Variants in ACOX1 observed in about 807,000 individuals in gnomAD.
The protein encoded by ACOX1 is peroxisomal acyl-coenzyme A oxidase 1.
Under a neutral mutation model 75.5 loss-of-function variants are expected in ACOX1, and 41 were observed. The observed-to-expected ratio is 0.54, with a 90% CI of 0.42 to 0.70. The LOEUF is 0.70. Ranked by LOEUF, ACOX1 falls within the 30% of genes least tolerant of loss-of-function variation. The pLI is 0.00. For synonymous variants in ACOX1, 303 were observed against 298.8 expected (o/e 1.01, Z -0.15); for missense variants, 630 against 837.5 (o/e 0.75, Z 3.06).
intron 2 of ACOX1, among the ~76,000 whole-genome samples, chr17:75,961,255 T>C (rs1473613951): frequency 6.9e-6 from 1 of 145,248 alleles, no homozygotes; most frequent in Non-Finnish European, 1.5e-5. Flanking sequence ...ATAACACCAC[T>C]GCATTCTAGC....
Position 75,943,878 on chromosome 17 carries a change from C to G in ACOX1, c.*2870G>C, listed in dbSNP as rs956642326. The G allele has an allele frequency of 6.6e-5, 10 of 152,062 alleles. No homozygotes were observed. Among genetic ancestry groups the G allele is most frequent in the African/African-American group, 2.4e-4 (10 of 41,420 alleles). 9.4% of individuals were successfully genotyped at this position (152,062 alleles called of 1,614,324 possible). ...TCAATTTTGTATTTGGTTGAGAGTA[C>G]TTTTTAAAAAAAGGCTTAAATCAAT... is the stretch of plus-strand genomic sequence containing the variant. On this transcript the variant is annotated 3_prime_UTR_variant, in exon 14 of 14. Transcript: ENST00000293217.
At chr17:75,955,133 T>G (rs2065811982) in intron 6 of ACOX1, among the ~76,000 whole-genome samples, 2 of 151,756 alleles carry the variant, frequency 1.3e-5, no homozygotes, top group Admixed American at 6.6e-5. Context: ...CTCCCAAAAG[T>G]GCTGGAATTA....
intron 12 of ACOX1, 42 bp from the exon 13 acceptor site, chr17:75,948,499 T>C (rs2065743067): frequency 2.0e-6 from 3 of 1,507,874 alleles, no homozygotes; most frequent in East Asian, 4.8e-5. Flanking sequence ...TATATATGTA[T>C]ATAGATAGAC....
chr17:75,967,192 C>T (rs1598193302), intron 2 of ACOX1, among the ~76,000 whole-genome samples: 1 of 151,596 alleles, frequency 6.6e-6, no homozygotes, highest in African/African-American at 2.4e-5. Context: ...CAGAAGAGGC[C>T]GGGCGTGGTG....
chr17:75,961,893 T>A (rs920861577), intron 2 of ACOX1, among the ~76,000 whole-genome samples: 1 of 152,006 alleles, frequency 6.6e-6, no homozygotes, highest in African/African-American at 2.4e-5. Context: ...AACAGAGAAT[T>A]TGAGTGGTAC....
rs761588643 is a variant in ACOX1 at position 75,946,829 on chromosome 17, AAG to A, written c.1936-36_1936-35del. On this transcript the variant is annotated intron_variant, in intron 13 of 13. Transcript: ENST00000293217. ...AAAGGAGAGAGAAGAACTACTAATA[AAG>A]AGTTTGCCATGTTAAATAGTATACT... 8 of 1,599,898 alleles carry A rather than the reference AAG, an allele frequency of 5.0e-6. No individual in the cohort carries two copies. In the South Asian group the frequency reaches 8.8e-5, roughly 18 times the overall value.
rs760539927 is a variant in ACOX1, at chr17:75,978,508, C to T, written c.269+26G>A. The T allele has an allele frequency of 1.2e-6, 2 of 1,614,154 alleles. No individual in the cohort carries two copies. Among genetic ancestry groups the T allele is most frequent in the South Asian group, 1.1e-5 (1 of 91,078 alleles). On this transcript the variant is annotated intron_variant, in intron 2 of 13. Transcript: ENST00000293217. The surrounding 1 kb of genome is among the most constrained non-coding windows in gnomAD (Gnocchi z 4.2). The stretch of plus-strand genomic sequence containing the variant: ...GCTGTAAAGTTTAGGCTTAACAACA[C>T]TTGCTCTGTTCTAAGGCATACCTAC...
chr17:75,954,215 CAAA>C (rs1318167016), intron 6 of ACOX1, among the ~76,000 whole-genome samples: 4 of 74,492 alleles, frequency 5.4e-5, no homozygotes, highest in Non-Finnish European at 1.2e-4. Context: ...GACTCTGTCT[CAAA>C]AAAAAAAAAA....
At chr17:75,948,541 A>T in intron 12 of ACOX1, 84 bp from the exon 13 acceptor site, 1 of 1,162,088 alleles carries the variant, frequency 8.6e-7, no homozygotes, top group Non-Finnish European at 1.2e-6. Context: ...TATAAAGCGG[A>T]TGACAATTAT....
At chr17:75,955,336 T>C (rs1292957685) in intron 6 of ACOX1, among the ~76,000 whole-genome samples, 2 of 152,050 alleles carry the variant, frequency 1.3e-5, no homozygotes, top group Non-Finnish European at 2.9e-5. Flanking sequence ...CTAGATTTTT[T>C]TACTTTTTGT....
At chr17:75,962,682 T>C (rs370447434) in intron 2 of ACOX1, among the ~76,000 whole-genome samples, 5 of 152,318 alleles carry the variant, frequency 3.3e-5, no homozygotes, top group African/African-American at 1.2e-4. Flanking sequence ...AATCAAAGTA[T>C]GTGTGACTGA....
At chr17:75,949,424 T>C in intron 11 of ACOX1, 64 bp from the exon 12 acceptor site, 1 of 1,608,334 alleles carries the variant, frequency 6.2e-7, no homozygotes, top group Non-Finnish European at 8.5e-7. Flanking sequence ...ATACAGTGAC[T>C]AGGGTTTCTG....
intron 2 of ACOX1, among the ~76,000 whole-genome samples, chr17:75,964,171 T>TC (rs1391543568): frequency 9.1e-6 from 1 of 110,400 alleles, no homozygotes; most frequent in Admixed American, 1.0e-4. Flanking sequence ...GGGACAAGAC[T>TC]CCATCTCAAA....
intron 3 of ACOX1, among the ~76,000 whole-genome samples, chr17:75,958,785 G>A (rs1343661853): frequency 2.7e-5 from 4 of 147,966 alleles, no homozygotes; most frequent in Admixed American, 6.7e-5. Context: ...TCCAGCCTGG[G>A]CGACAGAGCA....
At chr17:75,972,259 G>A (rs541632007) in intron 2 of ACOX1, among the ~76,000 whole-genome samples, 12 of 150,862 alleles carry the variant, frequency 8.0e-5, no homozygotes, top group South Asian at 4.2e-4. Flanking sequence ...CCCAGGAGGC[G>A]GAGCTTGCAC....
chr17:75,973,272 C>T (rs368456576), intron 2 of ACOX1: 46 of 330,588 alleles, frequency 1.4e-4, no homozygotes, highest in East Asian at 3.9e-4. Flanking sequence ...AGCAGAGAGG[C>T]GCTTTCCAGA....
At chr17:75,947,838 CCCG>C in intron 13 of ACOX1, among the ~76,000 whole-genome samples, 1 of 151,610 alleles carries the variant, frequency 6.6e-6, no homozygotes, top group Non-Finnish European at 1.5e-5. Flanking sequence ...CAGGAGAATT[CCCG>C]AGTAGCTGGG....
rs2065708108 is a variant in ACOX1 at position 75,945,124 on chromosome 17, A to C, written c.*1624T>G. 1 of 152,168 alleles carries C rather than the reference A, an allele frequency of 6.6e-6. No homozygotes were observed. Among genetic ancestry groups the C allele is most frequent in the Non-Finnish European group, 1.5e-5 (1 of 68,028 alleles). 9.4% of individuals were successfully genotyped at this position (152,168 alleles called of 1,614,324 possible). A position where few individuals can be genotyped will look rare whatever the true frequency, so the allele number is the denominator to read the frequency against. On this transcript the variant is annotated 3_prime_UTR_variant, in exon 14 of 14. Coordinates refer to ENST00000293217, the MANE Select transcript of ACOX1 (RefSeq NM_004035.7). ...AGGTCGATGATCTCCTCAAACCTGC[A>C]AAGACATCCCATCTATGCAACTGGA...
rs2065676228 is a variant in ACOX1, at chr17:75,942,133, GAC to G, written c.*4613_*4614del. ...AGTACTGGAAAATTTAGTAAGTGTG[GAC>G]AGTTAAAAACACTGGCCCGGCACGG... On this transcript the variant is annotated 3_prime_UTR_variant, in exon 14 of 14. Coordinates refer to ENST00000293217, the MANE Select transcript of ACOX1 (RefSeq NM_004035.7). The G allele has an allele frequency of 6.6e-6, 1 of 152,046 alleles. No homozygotes were observed. Among genetic ancestry groups the G allele is most frequent in the African/African-American group, 2.4e-5 (1 of 41,382 alleles). 9.4% of individuals were successfully genotyped at this position (152,046 alleles called of 1,614,324 possible). A position where few individuals can be genotyped will look rare whatever the true frequency, so the allele number is the denominator to read the frequency against.
Sources: gnomAD v4.1 joint callset for allele counts (sites outside exome capture counted in the v4.1 genomes callset) on GRCh38, gnomAD v4.1.1 for gene constraint, Gnocchi (gnomAD v3.1) non-coding constraint, MANE v1.5 for transcripts, NCBI Gene and HGNC (gene_info 2026-07-23, HGNC 2026-07-21) for gene names.